The following MATN2 variants were observed in gnomAD, a reference collection of about 807,000 sequenced individuals.
MATN2 encodes matrilin 2.
Under a neutral mutation model 103.2 loss-of-function variants are expected in MATN2, and 69 were observed. That is an observed-to-expected ratio of 0.67 (90% confidence interval 0.55 to 0.82). The LOEUF is 0.82. MATN2 is among the 40% of genes least tolerant of loss of function. MATN2 has a pLI of 0.00. For synonymous variants in MATN2, 429 were observed against 450.2 expected, an observed-to-expected ratio of 0.95 and a Z score of 0.60; for missense variants, 1,023 against 1,211.5, an observed-to-expected ratio of 0.84 and a Z score of 2.31.
chr8:97,972,534 G>C (rs1185158264), intron 5 of MATN2, among the ~76,000 whole-genome samples: 4 of 152,028 alleles, frequency 2.6e-5, no homozygotes, highest in Non-Finnish European at 1.5e-5. Flanking sequence ...TTCTTACTTT[G>C]TTATCAGCAA....
chr8:97,920,611 A>G (rs1252547139), intron 2 of MATN2, among the ~76,000 whole-genome samples: 2 of 152,228 alleles, frequency 1.3e-5, no homozygotes, highest in Non-Finnish European at 2.9e-5. Flanking sequence ...AAAGGGGAAG[A>G]TTAAAGTCCA....
At chr8:98,010,091 C>T (rs1287082769) in intron 10 of MATN2, among the ~76,000 whole-genome samples, 1 of 152,180 alleles carries the variant, frequency 6.6e-6, no homozygotes. Context: ...GTGCAGAACC[C>T]CCTCTTCCAC....
chr8:97,943,560 A>G (rs978950139), intron 4 of MATN2, among the ~76,000 whole-genome samples: 1 of 151,504 alleles, frequency 6.6e-6, no homozygotes, highest in Non-Finnish European at 1.5e-5. Flanking sequence ...TGTACCCTCA[A>G]CCTTCCGGGT....
intron 13 of MATN2, among the ~76,000 whole-genome samples, chr8:98,022,488 G>C (rs746629945): frequency 1.1e-4 from 16 of 152,132 alleles, no homozygotes; most frequent in Non-Finnish European, 2.1e-4. Flanking sequence ...GCATGATCTT[G>C]TGAGGAAGTT....
intron 3 of MATN2, among the ~76,000 whole-genome samples, chr8:97,938,296 A>G (rs1810445591): frequency 1.3e-5 from 2 of 152,332 alleles, no homozygotes; most frequent in South Asian, 4.1e-4. Context: ...AGCAAATGCA[A>G]ATTAAAAGTG....
intron 6 of MATN2, among the ~76,000 whole-genome samples, chr8:97,985,890 T>C (rs1000604824): frequency 2.0e-5 from 3 of 152,222 alleles, no homozygotes; most frequent in African/African-American, 7.2e-5. Context: ...TTATGCCAAT[T>C]TGGAACATTT....
chr8:98,026,668 T>C (rs573526876), intron 13 of MATN2, among the ~76,000 whole-genome samples: 4 of 152,334 alleles, frequency 2.6e-5, no homozygotes, highest in African/African-American at 9.6e-5. Flanking sequence ...ACACTTTTTT[T>C]GTGCCAAGTA....
At chr8:97,942,111 A>C (rs1479569738) in intron 4 of MATN2, among the ~76,000 whole-genome samples, 2 of 152,194 alleles carry the variant, frequency 1.3e-5, no homozygotes, top group African/African-American at 2.4e-5. Flanking sequence ...GAAGAGTTGG[A>C]GAGATAGGTA....
At position 98,016,490 on chromosome 8, in the gene MATN2, A is replaced by C. The variant is rs372421722; in HGVS notation, c.1574-50A>C. The C allele has an allele frequency of 3.2e-6, 5 of 1,548,414 alleles. No individual in the cohort carries two copies. In the Admixed American group the frequency reaches 9.5e-5, roughly 30 times the overall value. On this transcript the variant is annotated intron_variant, in intron 10 of 18. Transcript: ENST00000254898. ...TTTTATGATTGAATAAGCCACTAATATATGAGTCATTTTCTTCTTCTGTTT... is the reference window on the plus strand; with the variant it reads ...TTTTATGATTGAATAAGCCACTAATCTATGAGTCATTTTCTTCTTCTGTTT...
chr8:98,008,187 C>G (rs555817472), intron 10 of MATN2, among the ~76,000 whole-genome samples: 16 of 151,806 alleles, frequency 1.1e-4, no homozygotes, highest in African/African-American at 3.4e-4. Flanking sequence ...AGTGATGTGT[C>G]CTGGGTACAT....
chr8:97,957,373 T>C (rs562449250), intron 4 of MATN2, among the ~76,000 whole-genome samples: 1 of 152,366 alleles, frequency 6.6e-6, no homozygotes, highest in Admixed American at 6.5e-5. Flanking sequence ...AAATGGCCAC[T>C]GCCAGAAAAA....
intron 12 of MATN2, among the ~76,000 whole-genome samples, chr8:98,018,531 T>A (rs1309282155): frequency 1.5e-4 from 23 of 152,146 alleles, no homozygotes. Context: ...ATTCGTCCAT[T>A]TTCACACTGC....
At chr8:97,915,833 T>A (rs562885595) in intron 2 of MATN2, among the ~76,000 whole-genome samples, 1 of 152,312 alleles carries the variant, frequency 6.6e-6, no homozygotes, top group East Asian at 1.9e-4. Flanking sequence ...TGGTGCTTTC[T>A]GCACTCTCTT....
chr8:97,877,233 T>G (rs1406925443), intron 1 of MATN2, among the ~76,000 whole-genome samples: 2 of 151,958 alleles, frequency 1.3e-5, no homozygotes, highest in Non-Finnish European at 2.9e-5. Flanking sequence ...ATCCTAACAC[T>G]TTGGGAGGCC....
chr8:97,975,989 A>G (rs1811822902), intron 5 of MATN2, among the ~76,000 whole-genome samples: 2 of 152,220 alleles, frequency 1.3e-5, no homozygotes, highest in African/African-American at 4.8e-5. Context: ...ACCAGCTGAT[A>G]TCCAATGACG....
chr8:97,938,334 T>C (rs1168169512), intron 3 of MATN2, among the ~76,000 whole-genome samples: 1 of 152,170 alleles, frequency 6.6e-6, no homozygotes, highest in Non-Finnish European at 1.5e-5. Context: ...CACCATACGA[T>C]TGTCAAAACT....
At chr8:98,019,058 T>C (rs1813479650) in intron 12 of MATN2, among the ~76,000 whole-genome samples, 1 of 148,892 alleles carries the variant, frequency 6.7e-6, no homozygotes, top group South Asian at 2.1e-4. Context: ...ATATAATATA[T>C]ATATGTCTTC....
intron 4 of MATN2, among the ~76,000 whole-genome samples, chr8:97,942,545 G>A (rs375298643): frequency 6.6e-5 from 10 of 152,284 alleles, no homozygotes; most frequent in African/African-American, 1.7e-4. Context: ...ACTGAGTACC[G>A]TGTCCTTACT....
At chr8:98,013,093 G>A (rs1428070945) in intron 10 of MATN2, among the ~76,000 whole-genome samples, 1 of 152,226 alleles carries the variant, frequency 6.6e-6, no homozygotes, top group Non-Finnish European at 1.5e-5. Flanking sequence ...GGGGACCACT[G>A]AAGCATTTTC....
Sources: gnomAD v4.1 joint callset for allele counts (sites outside exome capture counted in the v4.1 genomes callset) on GRCh38, gnomAD v4.1.1 for gene constraint, MANE v1.5 for transcripts, NCBI Gene and HGNC (gene_info 2026-07-23, HGNC 2026-07-21) for gene names.